DLGAP4: variants seen among roughly 807,000 people sequenced by gnomAD.
DLGAP4 encodes DLG associated protein 4.
Under a neutral mutation model 86.9 loss-of-function variants are expected in DLGAP4, and 18 were observed. The ratio of observed to expected loss-of-function variants is 0.21; its 90% CI spans 0.14 to 0.31. DLGAP4 has a LOEUF of 0.31. Ranked by LOEUF, DLGAP4 falls within the 10% of genes least tolerant of loss-of-function variation. The probability of loss-of-function intolerance (pLI) is 1.00; values close to 1 mark genes in which losing one functional copy is unlikely to be tolerated. For synonymous variants in DLGAP4, 548 were observed against 574.3 expected, an observed-to-expected ratio of 0.95 and a Z score of 0.65; for missense variants, 1,085 against 1,362.6, an observed-to-expected ratio of 0.80 and a Z score of 3.21.
intron 2 of DLGAP4, among the ~76,000 whole-genome samples, chr20:36,381,189 A>C (rs1403362104): frequency 6.6e-6 from 1 of 152,226 alleles, no homozygotes; most frequent in Non-Finnish European, 1.5e-5. Flanking sequence ...GCAAGCAAGC[A>C]AGCATATATT....
chr20:36,320,112 CCCTAGGCCCCCCTCTGTGTCTT>C (rs2065152078), intron 1 of DLGAP4, among the ~76,000 whole-genome samples: 387 of 133,018 alleles, frequency 2.9e-3, no homozygotes, highest in African/African-American at 0.012. Context: ...TGTCGCATTC[CCCTAGGCCCCCCTCTGTGTCTT>C]CCTCTCCCAG....
chr20:36,357,863 G>T (rs782427537), intron 1 of DLGAP4, among the ~76,000 whole-genome samples: 1 of 152,228 alleles, frequency 6.6e-6, no homozygotes. Flanking sequence ...TGGCCGGTGA[G>T]GGGGCTGCGG....
intron 1 of DLGAP4, among the ~76,000 whole-genome samples, chr20:36,344,073 T>C (rs962403654): frequency 3.3e-5 from 5 of 152,082 alleles, no homozygotes; most frequent in Non-Finnish European, 7.4e-5. Flanking sequence ...GGTGGAACTG[T>C]GGGTTTTCTG....
intron 10 of DLGAP4, among the ~76,000 whole-genome samples, chr20:36,517,825 C>G (rs2037133707): frequency 6.6e-6 from 1 of 152,136 alleles, no homozygotes; most frequent in Non-Finnish European, 1.5e-5. Context: ...GAGACATTGG[C>G]TTGTAATCTT....
In DLGAP4 at chr20:36,499,650, C is replaced by T. The variant is rs1297409814; in HGVS notation, c.2073C>T (p.Ile691=). The T allele has an allele frequency of 3.1e-6, 5 of 1,613,690 alleles. No homozygotes were observed. The highest frequency in any genetic ancestry group is 1.3e-5 in the African/African-American group (1 of 74,924). Residue 691 remains isoleucine (I), a synonymous_variant, in exon 9 of 13, where the codon ATC becomes ATT. Coordinates refer to ENST00000339266, the MANE Select transcript of DLGAP4 (RefSeq NM_001365621.2). ...EPSPATKFQS[I]GVQVEDDWRS... ...GTCCCGCTACCAAATTCCAGTCCATCGGGGTTCAGGTAGAGGACGACTGGC... is the reference window on the plus strand; with the variant it reads ...GTCCCGCTACCAAATTCCAGTCCATTGGGGTTCAGGTAGAGGACGACTGGC...
chr20:36,443,116 A>G (rs565160255), intron 6 of DLGAP4, among the ~76,000 whole-genome samples: 5 of 152,264 alleles, frequency 3.3e-5, no homozygotes, highest in Admixed American at 6.5e-5. Context: ...ACTGAGTTGG[A>G]CAGGTCAGGG....
At chr20:36,362,123 C>G (rs1455875739) in intron 1 of DLGAP4, among the ~76,000 whole-genome samples, 1 of 151,782 alleles carries the variant, frequency 6.6e-6, no homozygotes, top group African/African-American at 2.4e-5. Context: ...GAAACCCCAT[C>G]TCTAGAAAAA....
At chr20:36,523,679 T>C (rs1260527169) in intron 10 of DLGAP4, among the ~76,000 whole-genome samples, 1 of 152,240 alleles carries the variant, frequency 6.6e-6, no homozygotes, top group African/African-American at 2.4e-5. Flanking sequence ...GATTTTTTAT[T>C]TTGAGACTGA....
At chr20:36,448,706 G>C (rs2046493556) in intron 7 of DLGAP4, among the ~76,000 whole-genome samples, 1 of 152,116 alleles carries the variant, frequency 6.6e-6, no homozygotes, top group Admixed American at 6.6e-5. Context: ...AGCCAAGGTG[G>C]GCAGATCACT....
chr20:36,316,030 G>T (rs2065095985), intron 1 of DLGAP4, among the ~76,000 whole-genome samples: 46 of 152,332 alleles, frequency 3.0e-4, no homozygotes, highest in Non-Finnish European at 4.4e-5. Flanking sequence ...CTGGAGGCCA[G>T]CGGGAAGGCA....
chr20:36,516,128 C>A (rs752032158), intron 10 of DLGAP4, among the ~76,000 whole-genome samples: 1 of 152,214 alleles, frequency 6.6e-6, no homozygotes, highest in Non-Finnish European at 1.5e-5. Context: ...TTTAGACATA[C>A]AACTATGCAT....
At chr20:36,339,576 G>A (rs782644854) in intron 1 of DLGAP4, among the ~76,000 whole-genome samples, 1 of 152,356 alleles carries the variant, frequency 6.6e-6, no homozygotes, top group South Asian at 2.1e-4. Context: ...TGTAGAGACT[G>A]AGTTTTGCTC....
intron 2 of DLGAP4, among the ~76,000 whole-genome samples, chr20:36,368,153 G>A (rs754640256): frequency 3.3e-5 from 5 of 152,232 alleles, no homozygotes; most frequent in African/African-American, 4.8e-5. Flanking sequence ...AGGAAAGGGG[G>A]AGAGAAGAAG....
intron 10 of DLGAP4, among the ~76,000 whole-genome samples, chr20:36,503,227 G>T (rs1266388403): frequency 6.6e-6 from 1 of 151,958 alleles, no homozygotes; most frequent in South Asian, 2.1e-4. Context: ...GCTTTACTGA[G>T]ATATAATTCA....
At chr20:36,433,557 G>T (rs1485233433) in intron 3 of DLGAP4, among the ~76,000 whole-genome samples, 1 of 152,232 alleles carries the variant, frequency 6.6e-6, no homozygotes, top group Non-Finnish European at 1.5e-5. Context: ...ATTTCAGGTG[G>T]AAGGAGCTGC....
chr20:36,472,979 AGACAGCCAGTAG>A (rs1475144018), intron 7 of DLGAP4: 1 of 152,222 alleles, frequency 6.6e-6, no homozygotes, highest in Non-Finnish European at 1.5e-5. Flanking sequence ...GCTGTCTGGG[AGACAGCCAGTAG>A]GATGGGTTCT....
intron 1 of DLGAP4, among the ~76,000 whole-genome samples, chr20:36,307,781 T>C (rs1569449232): frequency 6.6e-6 from 1 of 151,276 alleles, no homozygotes; most frequent in Non-Finnish European, 1.5e-5. Context: ...GAGGGGGGAG[T>C]CCTGGCTCTC....
intron 7 of DLGAP4, among the ~76,000 whole-genome samples, chr20:36,491,443 G>A (rs2035658742): frequency 6.6e-6 from 1 of 152,128 alleles, no homozygotes; most frequent in Admixed American, 6.6e-5. Context: ...CTGAGAGGGG[G>A]TCAGGAGAAG....
intron 1 of DLGAP4, among the ~76,000 whole-genome samples, chr20:36,315,719 C>T (rs2065092901): frequency 6.6e-6 from 1 of 152,136 alleles, no homozygotes; most frequent in South Asian, 2.1e-4. Context: ...GTGCATCCCA[C>T]TGAAAGAAAC....
Sources: gnomAD v4.1 joint callset for allele counts (sites outside exome capture counted in the v4.1 genomes callset) on GRCh38, gnomAD v4.1.1 for gene constraint, MANE v1.5 for transcripts, NCBI Gene and HGNC (gene_info 2026-07-23, HGNC 2026-07-21) for gene names.